The following TAFA2 variants were observed in gnomAD, a reference collection of about 807,000 sequenced individuals.
TAFA2 encodes TAFA chemokine like family member 2, also known as chemokine-like protein TAFA-2.
A neutral mutation model predicts 18.8 loss-of-function variants in TAFA2; 7 were observed. That is an observed-to-expected ratio of 0.37 (90% CI 0.21 to 0.70). TAFA2 has a LOEUF of 0.70. Among genes scored for constraint, TAFA2 ranks in the 30% least tolerant of loss-of-function variants. The pLI is 0.53. For missense variants in TAFA2, 122 were observed against 158.1 expected (o/e 0.77, Z 1.23); for synonymous variants, 60 against 54.2 (o/e 1.11, Z -0.47).
intron 4 of TAFA2, among the ~76,000 whole-genome samples, chr12:61,717,355 G>A (rs187227530): frequency 2.7e-4 from 41 of 152,230 alleles, no homozygotes; most frequent in East Asian, 1.5e-3. Flanking sequence ...AATGACATAT[G>A]AATCACTTTT....
chr12:62,152,403 G>A (rs951400238), intron 1 of TAFA2, among the ~76,000 whole-genome samples: 8 of 152,160 alleles, frequency 5.3e-5, no homozygotes, highest in Non-Finnish European at 1.2e-4. Context: ...ATGACACCAC[G>A]AAAATGTGAT....
chr12:62,058,829 T>C (rs1473330448), intron 1 of TAFA2, among the ~76,000 whole-genome samples: 1 of 152,016 alleles, frequency 6.6e-6, no homozygotes, highest in African/African-American at 2.4e-5. Flanking sequence ...TGAGTGCGGG[T>C]GCAATGGCTC....
chr12:61,785,351 GTGTGTGTGTT>G lies in TAFA2; in HGVS notation c.107-30337_107-30328del, dbSNP rs1459351956. Among the ~76,000 whole-genome samples, 6 of 147,548 alleles carry G rather than the reference GTGTGTGTGTT, an allele frequency of 4.1e-5. No homozygotes were observed. In the South Asian group the frequency reaches 6.3e-4, roughly 15 times the overall value. ...TGTGTGTGTGTGTGTGTGTGTGTGT[GTGTGTGTGTT>G]TGTGTGTGTGTGTCACATTTTCTTT... is the stretch of plus-strand genomic sequence containing the variant. On this transcript the variant is annotated intron_variant, in intron 2 of 4. Coordinates refer to ENST00000416284, the MANE Select transcript of TAFA2 (RefSeq NM_178539.5).
chr12:61,858,182 G>A (rs1430172587), intron 2 of TAFA2, among the ~76,000 whole-genome samples: 1 of 152,158 alleles, frequency 6.6e-6, no homozygotes, highest in Non-Finnish European at 1.5e-5. Flanking sequence ...GTTGCTCCTT[G>A]CTCTTCCACC....
rs544345709 is a variant in TAFA2, at chr12:61,923,990, A to G, written c.-1-56564T>C. Reference sequence around the variant, plus strand: ...TCAAGCAGAAGAAAGGATATCAGAGATTGAAGATCAACATAATGAAATAAA... The same window carrying G: ...TCAAGCAGAAGAAAGGATATCAGAGGTTGAAGATCAACATAATGAAATAAA... On this transcript the variant is annotated intron_variant, in intron 1 of 4. Transcript: ENST00000416284. 2.0e-5 allele frequency among the ~76,000 whole-genome samples: 3 copies of G among 151,760 alleles called. No homozygotes were observed. In the East Asian group the frequency reaches 5.9e-4, roughly 30 times the overall value.
At chr12:62,173,282 G>T (rs993882694) in intron 1 of TAFA2, among the ~76,000 whole-genome samples, 2 of 152,070 alleles carry the variant, frequency 1.3e-5, no homozygotes, top group African/African-American at 4.8e-5. Flanking sequence ...TGCACGTCGT[G>T]CGCGCCTGTA....
intron 1 of TAFA2, among the ~76,000 whole-genome samples, chr12:61,955,632 A>AATATATATATATATATATAT (rs775755094): frequency 7.3e-5 from 3 of 41,210 alleles, no homozygotes; most frequent in Non-Finnish European, 1.2e-4. Context: ...AAAAAAAAAA[A>AATATATATATATATATATAT]ATATATATAT....
At chr12:61,869,902 A>G (rs1874522971) in intron 1 of TAFA2, among the ~76,000 whole-genome samples, 4 of 152,184 alleles carry the variant, frequency 2.6e-5, no homozygotes, top group Admixed American at 2.0e-4. Context: ...ATGAACAGCA[A>G]AACTCATCTG....
chr12:61,733,700 G>C (rs964862610), intron 4 of TAFA2, among the ~76,000 whole-genome samples: 20 of 151,474 alleles, frequency 1.3e-4, no homozygotes, highest in Admixed American at 1.3e-4. Context: ...TTGAAGTCAG[G>C]TAGCATGATG....
intron 1 of TAFA2, among the ~76,000 whole-genome samples, chr12:62,055,732 C>G (rs1017142313): frequency 3.9e-4 from 59 of 151,976 alleles, no homozygotes; most frequent in Non-Finnish European, 4.3e-4. Context: ...AGCAGTGGCT[C>G]ACAACTTGCA....
rs555128932 is a variant in TAFA2 at position 61,737,530 on chromosome 12, T to C, written c.384+16092A>G. ...AGAGCATGGGGTTAAGAACATCATC[T>C]AGTCTTGGGATTATGCTCACTTAAA... On this transcript the variant is annotated intron_variant, in intron 4 of 4. Transcript: ENST00000416284. Among the ~76,000 whole-genome samples the C allele has an allele frequency of 3.2e-4, 48 of 151,830 alleles. No homozygotes were observed. The South Asian group carries it at 1.0e-2, about 32-fold the overall frequency.
At chr12:61,875,087 AACTTT>A (rs1205382482) in intron 1 of TAFA2, among the ~76,000 whole-genome samples, 1 of 152,138 alleles carries the variant, frequency 6.6e-6, no homozygotes, top group African/African-American at 2.4e-5. Flanking sequence ...TAAATTTGTC[AACTTT>A]ACTTAACATC....
At chr12:62,221,299 A>G (rs923044937) in intron 1 of TAFA2, among the ~76,000 whole-genome samples, 4 of 151,946 alleles carry the variant, frequency 2.6e-5, no homozygotes, top group African/African-American at 4.8e-5. Flanking sequence ...ATTCACCAAA[A>G]TACCCATCTC....
chr12:62,043,053 A>G (rs575961221), intron 1 of TAFA2, among the ~76,000 whole-genome samples: 1 of 152,326 alleles, frequency 6.6e-6, no homozygotes, highest in Non-Finnish European at 1.5e-5. Context: ...AACATTTATA[A>G]GTAGTTATTT....
chr12:61,754,668 T>G (rs1869178726), intron 3 of TAFA2, among the ~76,000 whole-genome samples: 1 of 152,030 alleles, frequency 6.6e-6, no homozygotes, highest in Admixed American at 6.6e-5. Context: ...ATGCCTTTTG[T>G]AACAGAACTG....
chr12:62,229,915 C>T (rs1482320030), intron 1 of TAFA2, among the ~76,000 whole-genome samples: 1 of 151,762 alleles, frequency 6.6e-6, no homozygotes, highest in African/African-American at 2.4e-5. Context: ...TTATTCATTA[C>T]TGGTGAGTTC....
At chr12:61,935,083 GAAA>G (rs1877710712) in intron 1 of TAFA2, among the ~76,000 whole-genome samples, 1 of 152,114 alleles carries the variant, frequency 6.6e-6, no homozygotes. Flanking sequence ...ATCAGGATGA[GAAA>G]AAGAACTGTG....
intron 2 of TAFA2, among the ~76,000 whole-genome samples, chr12:61,829,987 G>T (rs1034685482): frequency 4.0e-5 from 6 of 151,560 alleles, no homozygotes; most frequent in Non-Finnish European, 8.9e-5. Flanking sequence ...CAATAAGAAT[G>T]CAGAGAAGTT....
chr12:61,884,125 T>C (rs1414902395), intron 1 of TAFA2, among the ~76,000 whole-genome samples: 7 of 152,078 alleles, frequency 4.6e-5, no homozygotes, highest in African/African-American at 1.2e-4. Context: ...ATTTAGAACA[T>C]GCAAAGAGTA....
Sources: gnomAD v4.1 joint callset for allele counts (sites outside exome capture counted in the v4.1 genomes callset) on GRCh38, gnomAD v4.1.1 for gene constraint, MANE v1.5 for transcripts, NCBI Gene and HGNC (gene_info 2026-07-23, HGNC 2026-07-21) for gene names.